COL5A1: variants seen among roughly 807,000 people sequenced by gnomAD.
The protein encoded by COL5A1 is collagen type V alpha 1 chain, also known as collagen alpha-1(V) chain.
A neutral mutation model predicts 263.7 loss-of-function variants in COL5A1; 16 were observed. The ratio of observed to expected loss-of-function variants is 0.06; its 90% CI spans 0.04 to 0.09. The LOEUF is 0.09. Ranked by LOEUF, COL5A1 falls within the 10% of genes least tolerant of loss-of-function variation. The pLI is 1.00. For synonymous variants in COL5A1, 1,012 were observed against 1,004.5 expected (o/e 1.01, Z -0.14); for missense variants, 2,036 against 2,540.5 (o/e 0.80, Z 4.27).
chr9:134,724,296 G>A (rs990627131), intron 4 of COL5A1, among the ~76,000 whole-genome samples: 2 of 152,224 alleles, frequency 1.3e-5, no homozygotes, highest in South Asian at 4.1e-4. Flanking sequence ...ACAGCTCTGT[G>A]AGGTCAATGC....
chr9:134,668,856 C>T (rs1832435498), intron 1 of COL5A1, among the ~76,000 whole-genome samples: 1 of 151,944 alleles, frequency 6.6e-6, no homozygotes, highest in African/African-American at 2.4e-5. Context: ...ACTGTCCTTC[C>T]ATCTATGTAT....
rs1041369357 is a variant in COL5A1 at position 134,701,274 on chromosome 9, A to G, written c.595A>G (p.Ile199Val). 2 of 1,613,852 alleles carry G rather than the reference A, an allele frequency of 1.2e-6. No individual in the cohort carries two copies. Among genetic ancestry groups the G allele is most frequent in the African/African-American group, 2.7e-5 (2 of 74,916 alleles). The change falls in exon 4 of 66, where the codon ATC becomes GTC. Residue 199 changes from isoleucine to valine, a missense_variant. Around this residue, in one of 3 missense-constraint regions of COL5A1, gnomAD observed 600 missense variants for 634.5 expected, o/e 0.95. Transcript: ENST00000371817. ...CCTCGACCGCAGCGACCACCCCATG[A>G]TCGACATCAATGGCATCATCGTGTT... is the stretch of plus-strand genomic sequence containing the variant. Reference protein sequence around the residue: ...KFLDRSDHPMIDINGIIVFGT... With the variant: ...KFLDRSDHPMVDINGIIVFGT...
intron 37 of COL5A1, among the ~76,000 whole-genome samples, chr9:134,801,074 C>A (rs1456738639): frequency 6.6e-6 from 1 of 152,230 alleles, no homozygotes; most frequent in Non-Finnish European, 1.5e-5. Flanking sequence ...GGTCATCTTT[C>A]TCCTTTGAGG....
At chr9:134,763,965 C>T (rs544625753) in intron 20 of COL5A1, among the ~76,000 whole-genome samples, 1 of 151,156 alleles carries the variant, frequency 6.6e-6, no homozygotes, top group South Asian at 2.1e-4. Flanking sequence ...CAGGAGCAAG[C>T]CTGGCCCTCA....
chr9:134,844,292 C>T lies in COL5A1; in HGVS notation c.*1989C>T, dbSNP rs2132946938. ...CCAGGATGCCAGCATGTGCCAATGACTGTCACCTTCATCTCTTCAAAAGAA... is the reference window on the plus strand; with the variant it reads ...CCAGGATGCCAGCATGTGCCAATGATTGTCACCTTCATCTCTTCAAAAGAA... On this transcript the variant is annotated 3_prime_UTR_variant, in exon 66 of 66. Coordinates refer to ENST00000371817, the MANE Select transcript of COL5A1 (RefSeq NM_000093.5). 6.5e-6 allele frequency: 1 copy of T among 152,774 alleles called. No individual in the cohort carries two copies. Among genetic ancestry groups the T allele is most frequent in the African/African-American group, 2.4e-5 (1 of 41,590 alleles). The allele number at this position is 152,774 out of a possible 1,614,324, so 9.5% of individuals were successfully genotyped here. A position where few individuals can be genotyped will look rare whatever the true frequency, so the allele number is the denominator to read the frequency against.
At chr9:134,710,703 G>A (rs1426226324) in intron 4 of COL5A1, among the ~76,000 whole-genome samples, 1 of 132,788 alleles carries the variant, frequency 7.5e-6, no homozygotes, top group African/African-American at 2.9e-5. Context: ...GCCCCATTTA[G>A]TGCAGTGGTG....
chr9:134,693,173 G>T (rs932462473), intron 2 of COL5A1, among the ~76,000 whole-genome samples: 2 of 152,120 alleles, frequency 1.3e-5, no homozygotes, highest in Non-Finnish European at 2.9e-5. Flanking sequence ...CCCTGAGCAG[G>T]GCTCTTATCT....
At chr9:134,655,798 G>A (rs759023696) in intron 1 of COL5A1, among the ~76,000 whole-genome samples, 2 of 152,168 alleles carry the variant, frequency 1.3e-5, no homozygotes, top group African/African-American at 4.8e-5. Context: ...CATGGGTGCT[G>A]TGCCCACCAG....
intron 63 of COL5A1, among the ~76,000 whole-genome samples, chr9:134,826,911 G>A (rs1839304308): frequency 6.6e-6 from 1 of 152,076 alleles, no homozygotes; most frequent in Non-Finnish European, 1.5e-5. Context: ...CATGTAGACG[G>A]GCGTGTGTTG....
At position 134,754,504 on chromosome 9, in the gene COL5A1, C is replaced by T. The variant is rs1186340183; in HGVS notation, c.1827+178C>T. 6.6e-6 allele frequency among the ~76,000 whole-genome samples: 1 copy of T among 152,246 alleles called. No homozygotes were observed. Among genetic ancestry groups the T allele is most frequent in the Non-Finnish European group, 1.5e-5 (1 of 68,048 alleles). ...CTCTGAGCCAGCTGCCTGGGAGGGGCGCTCTGTGTCCTGGGCGCAGACACA... is the reference window on the plus strand; with the variant it reads ...CTCTGAGCCAGCTGCCTGGGAGGGGTGCTCTGTGTCCTGGGCGCAGACACA... On this transcript the variant is annotated intron_variant, in intron 16 of 65. Coordinates refer to ENST00000371817, the MANE Select transcript of COL5A1 (RefSeq NM_000093.5). The surrounding 1 kb of genome is among the most constrained non-coding windows in gnomAD (Gnocchi z 4.3).
At chr9:134,728,500 C>T (rs1834739500) in intron 5 of COL5A1, among the ~76,000 whole-genome samples, 170 bp from the exon 6 acceptor site, 1 of 152,206 alleles carries the variant, frequency 6.6e-6, no homozygotes, top group Non-Finnish European at 1.5e-5. Flanking sequence ...GTCAGCTTTC[C>T]AAGGAGCTGG....
chr9:134,697,319 C>T (rs549850747), intron 2 of COL5A1, among the ~76,000 whole-genome samples: 5 of 152,190 alleles, frequency 3.3e-5, no homozygotes, highest in African/African-American at 7.2e-5. Context: ...TTTATCCTTT[C>T]GGGTTTTATC....
rs567252881 is a variant in COL5A1, at chr9:134,758,023, C to A, written c.1882-220C>A. ...GGGACTTGGGGATGAAAGTCATCTC[C>A]CCCTTTGCAGCCCATGTTCATGTTT... is the stretch of plus-strand genomic sequence containing the variant. On this transcript the variant is annotated intron_variant, in intron 17 of 65. Transcript: ENST00000371817. This position sits in a 1 kb window ranked among gnomAD's most constrained non-coding sequence, Gnocchi z 4.1. Among the ~76,000 whole-genome samples, 4 of 152,294 alleles carry A rather than the reference C, an allele frequency of 2.6e-5. No homozygotes were observed. The highest frequency in any genetic ancestry group is 9.6e-5 in the African/African-American group (4 of 41,564).
intron 18 of COL5A1, among the ~76,000 whole-genome samples, chr9:134,760,098 A>G (rs1382223021): frequency 6.4e-5 from 6 of 94,026 alleles, no homozygotes; most frequent in Non-Finnish European, 1.3e-4. Flanking sequence ...ACGCCCACAC[A>G]CCCCCACACT....
chr9:134,648,295 TATATATATA>T (rs1236208547), intron 1 of COL5A1, among the ~76,000 whole-genome samples: 1 of 131,894 alleles, frequency 7.6e-6, no homozygotes, highest in Non-Finnish European at 1.6e-5. Context: ...CTCCTATATA[TATATATATA>T]ATATATATAT....
rs1264694501 is a variant in COL5A1, at chr9:134,754,854, T to C, written c.1827+528T>C. On this transcript the variant is annotated intron_variant, in intron 16 of 65. Coordinates refer to ENST00000371817, the MANE Select transcript of COL5A1 (RefSeq NM_000093.5). This position sits in a 1 kb window ranked among gnomAD's most constrained non-coding sequence, Gnocchi z 4.3. ...AGTGCTGACCACCACCCAGACAGGC[T>C]GGGGCAGGCCCTGGGAGCCCAGATT... is the stretch of plus-strand genomic sequence containing the variant. Among the ~76,000 whole-genome samples the C allele has an allele frequency of 6.6e-6, 1 of 152,080 alleles. No individual in the cohort carries two copies. The highest frequency in any genetic ancestry group is 1.5e-5 in the Non-Finnish European group (1 of 68,004).
intron 24 of COL5A1, 60 bp from the exon 25 acceptor site, chr9:134,768,350 C>A: frequency 1.4e-6 from 2 of 1,450,550 alleles, no homozygotes; most frequent in East Asian, 2.3e-5. Flanking sequence ...TGGTGGCCGA[C>A]GGAGAGGTCA....
chr9:134,773,281 C>T (rs1216468050), intron 26 of COL5A1, among the ~76,000 whole-genome samples: 2 of 152,232 alleles, frequency 1.3e-5, no homozygotes, highest in Non-Finnish European at 2.9e-5. Context: ...CTGTGAGCGG[C>T]TTGTGGTTCC....
chr9:134,711,449 CTGTT>C (rs909389877), intron 4 of COL5A1, among the ~76,000 whole-genome samples: 5 of 152,158 alleles, frequency 3.3e-5, no homozygotes, highest in African/African-American at 1.2e-4. Flanking sequence ...ACCCTCCAGT[CTGTT>C]TGAAGATCCA....
Sources: allele counts gnomAD v4.1 joint callset (sites outside exome capture counted in the v4.1 genomes callset), GRCh38; gene constraint gnomAD v4.1.1; regional missense constraint gnomAD v4.1.1; non-coding constraint Gnocchi (gnomAD v3.1); transcripts MANE v1.5; gene names NCBI Gene and HGNC (gene_info 2026-07-23, HGNC 2026-07-21).